Variants in SGCD observed in about 807,000 individuals in gnomAD.
SGCD encodes the protein delta-sarcoglycan.
A neutral mutation model predicts 36.6 loss-of-function variants in SGCD; 18 were observed. The ratio of observed to expected loss-of-function variants is 0.49; its 90% CI spans 0.34 to 0.73. The LOEUF (loss-of-function observed/expected upper bound fraction) is 0.73. Ranked by LOEUF, SGCD falls within the 30% of genes least tolerant of loss-of-function variation. The probability of loss-of-function intolerance (pLI) is 0.01; values close to 1 mark genes in which losing one functional copy is unlikely to be tolerated. For missense variants in SGCD, 387 were observed against 346.7 expected, an observed-to-expected ratio of 1.12 and a Z score of -0.92; for synonymous variants, 133 against 130.6, an observed-to-expected ratio of 1.02 and a Z score of -0.12.
At chr5:155,767,540 G>T in the SGCD span, among the ~76,000 whole-genome samples, 1 of 152,024 alleles carries the variant, frequency 6.6e-6, no homozygotes, top group African/African-American at 2.4e-5. Context: ...TGTTTTTAAG[G>T]AACAGCAGTT....
At chr5:155,975,537 T>G (rs1248186244) in intron 1 of SGCD, among the ~76,000 whole-genome samples, 1 of 151,464 alleles carries the variant, frequency 6.6e-6, no homozygotes, top group African/African-American at 2.4e-5. Context: ...TTATCATGAA[T>G]GGATGTTGAA....
chr5:156,410,810 G>A (rs1772701909), intron 3 of SGCD, among the ~76,000 whole-genome samples: 6 of 151,980 alleles, frequency 3.9e-5, no homozygotes, highest in Admixed American at 3.9e-4. Flanking sequence ...CATGAAAGGG[G>A]CCTCATTTTT....
chr5:156,758,389 GTTT>G (rs3839272), intron 8 of SGCD, among the ~76,000 whole-genome samples: 35 of 140,822 alleles, frequency 2.5e-4, no homozygotes, highest in African/African-American at 9.0e-4. Flanking sequence ...AAATCTGTGT[GTTT>G]TTTTTTTTTT....
chr5:156,650,216 T>A (rs936063761), intron 7 of SGCD, among the ~76,000 whole-genome samples: 5 of 152,162 alleles, frequency 3.3e-5, no homozygotes, highest in Admixed American at 2.6e-4. Flanking sequence ...AATTTACAAG[T>A]AAATCTCCTA....
chr5:156,731,902 T>C lies in SGCD; in HGVS notation c.576-25679T>C, dbSNP rs551003834. 2.0e-5 allele frequency among the ~76,000 whole-genome samples: 3 copies of C among 152,278 alleles called. No individual in the cohort carries two copies. The South Asian group carries it at 6.2e-4, about 32-fold the overall frequency. On this transcript the variant is annotated intron_variant, in intron 7 of 8. Transcript: ENST00000337851. ...GTTAGCTGTATTCCTGGGTATTTTA[T>C]TATTTTTGTGGCAGTTGTGTATGGG...
chr5:156,678,985 A>G (rs1382828076), intron 7 of SGCD, among the ~76,000 whole-genome samples: 2 of 152,212 alleles, frequency 1.3e-5, no homozygotes, highest in Admixed American at 6.5e-5. Context: ...TGATTCACAT[A>G]AAAGTTCAGA....
intron 3 of SGCD, among the ~76,000 whole-genome samples, chr5:156,354,529 G>T (rs145104936): frequency 1.8e-4 from 27 of 152,142 alleles, no homozygotes; most frequent in Admixed American, 1.8e-3. Flanking sequence ...GACAATATTC[G>T]TGACCTTTTC....
intron 3 of SGCD, among the ~76,000 whole-genome samples, chr5:156,508,310 C>T (rs1031596320): frequency 6.6e-6 from 1 of 152,048 alleles, no homozygotes; most frequent in Non-Finnish European, 1.5e-5. Flanking sequence ...TCCATTCTTT[C>T]TGTGCTGCCT....
intron 4 of SGCD, among the ~76,000 whole-genome samples, chr5:156,583,579 G>T (rs566356743): frequency 6.6e-6 from 1 of 152,292 alleles, no homozygotes; most frequent in South Asian, 2.1e-4. Flanking sequence ...GAGTGATCAT[G>T]TTTAGTTCAC....
intron 3 of SGCD, among the ~76,000 whole-genome samples, chr5:156,191,367 A>G (rs1318669490): frequency 1.3e-5 from 2 of 152,156 alleles, no homozygotes; most frequent in Non-Finnish European, 2.9e-5. Flanking sequence ...TATTGATATC[A>G]GACTCAAAAA....
chr5:156,320,097 A>ATGTGTGTGTGTGTG (rs10535885), intron 3 of SGCD, among the ~76,000 whole-genome samples: 15 of 146,198 alleles, frequency 1.0e-4, no homozygotes, highest in African/African-American at 3.5e-4. Context: ...AGCCTTTGAT[A>ATGTGTGTGTGTGTG]TGTGTGTGTG....
At chr5:156,371,395 C>T (rs1424820352) in intron 3 of SGCD, among the ~76,000 whole-genome samples, 1 of 152,072 alleles carries the variant, frequency 6.6e-6, no homozygotes, top group Non-Finnish European at 1.5e-5. Flanking sequence ...TCTGGGAATT[C>T]CTTTCATGAT....
At chr5:156,529,165 G>A (rs751367572) in intron 4 of SGCD, among the ~76,000 whole-genome samples, 13 of 152,120 alleles carry the variant, frequency 8.5e-5, no homozygotes, top group Admixed American at 2.6e-4. Flanking sequence ...GCCAGCTCAC[G>A]TCTGTAATCC....
chr5:156,245,523 A>G (rs1347098854), intron 3 of SGCD, among the ~76,000 whole-genome samples: 1 of 152,182 alleles, frequency 6.6e-6, no homozygotes, highest in African/African-American at 2.4e-5. Flanking sequence ...AAAAAAATCC[A>G]TGATTAATCT....
intron 1 of SGCD, among the ~76,000 whole-genome samples, chr5:155,960,605 T>C (rs1282798199): frequency 6.6e-6 from 1 of 152,090 alleles, no homozygotes; most frequent in Non-Finnish European, 1.5e-5. Context: ...TAAATGCACC[T>C]GAGAAAGGAG....
At chr5:155,799,642 C>T in the SGCD span, among the ~76,000 whole-genome samples, 12,376 of 150,580 alleles carry the variant, frequency 0.082, 675 homozygotes, top group African/African-American at 0.15. Context: ...GTGGTCTGCT[C>T]GCCTCGGCCT....
At chr5:155,778,971 TA>T in the SGCD span, among the ~76,000 whole-genome samples, 1 of 152,176 alleles carries the variant, frequency 6.6e-6, no homozygotes, top group Non-Finnish European at 1.5e-5. Flanking sequence ...AAGCCAATTC[TA>T]AAAGAAGATC....
chr5:156,087,658 A>C (rs1013004549), intron 1 of SGCD, among the ~76,000 whole-genome samples: 28 of 152,028 alleles, frequency 1.8e-4, no homozygotes, highest in Non-Finnish European at 2.9e-4. Flanking sequence ...AAAAAAAAAA[A>C]AAACTAGTTC....
chr5:156,713,971 A>T (rs1000078173), intron 7 of SGCD, among the ~76,000 whole-genome samples: 1 of 152,344 alleles, frequency 6.6e-6, no homozygotes, highest in Admixed American at 6.5e-5. Flanking sequence ...AATTGTGTCA[A>T]CTAAATGCTC....
Sources: gnomAD v4.1 joint callset for allele counts (sites outside exome capture counted in the v4.1 genomes callset) on GRCh38, gnomAD v4.1.1 for gene constraint, MANE v1.5 for transcripts, NCBI Gene and HGNC (gene_info 2026-07-23, HGNC 2026-07-21) for gene names.